The following KSR1 variants were observed in gnomAD, a reference collection of about 807,000 sequenced individuals.
KSR1 encodes kinase suppressor of ras 1, also known as kinase suppressor of ras.
A neutral mutation model predicts 92.9 loss-of-function variants in KSR1; 35 were observed. The ratio of observed to expected loss-of-function variants is 0.38; its 90% CI spans 0.29 to 0.50. The LOEUF (loss-of-function observed/expected upper bound fraction) is 0.50, where lower values mean the gene tolerates loss of function less well. KSR1 is among the 20% of genes least tolerant of loss of function. The pLI is 0.94. For synonymous variants in KSR1, 467 were observed against 472.6 expected (o/e 0.99, Z 0.15); for missense variants, 972 against 1,158.5 (o/e 0.84, Z 2.34).
intron 1 of KSR1, among the ~76,000 whole-genome samples, chr17:27,530,750 G>C (rs1210969899): frequency 6.6e-6 from 1 of 152,204 alleles, no homozygotes; most frequent in Non-Finnish European, 1.5e-5. Flanking sequence ...TTCCCACTCA[G>C]ATCAGCCCAT....
intron 1 of KSR1, among the ~76,000 whole-genome samples, chr17:27,529,690 A>G (rs1197519274): frequency 1.3e-5 from 2 of 152,172 alleles, no homozygotes; most frequent in African/African-American, 2.4e-5. Context: ...ATAAACATGT[A>G]TATTTCCTTG....
chr17:27,491,423 C>G (rs2068828383), intron 1 of KSR1, among the ~76,000 whole-genome samples: 1 of 151,746 alleles, frequency 6.6e-6, no homozygotes, highest in South Asian at 2.1e-4. Flanking sequence ...CTCCTGACCT[C>G]AAGTGATCCT....
intron 5 of KSR1, chr17:27,585,946 C>CGG: frequency 6.2e-6 from 3 of 481,174 alleles, no homozygotes; most frequent in Non-Finnish European, 1.1e-5. Flanking sequence ...TCCACCTTGC[C>CGG]CTTCCCCACC....
At chr17:27,619,063 A>C (rs954539212) in intron 19 of KSR1, among the ~76,000 whole-genome samples, 8 of 152,088 alleles carry the variant, frequency 5.3e-5, no homozygotes, top group African/African-American at 1.7e-4. Context: ...CGCTCTATAA[A>C]ACCCATAAAG....
intron 1 of KSR1, among the ~76,000 whole-genome samples, chr17:27,519,188 G>A (rs979965796): frequency 9.2e-5 from 14 of 152,276 alleles, no homozygotes; most frequent in African/African-American, 3.1e-4. Context: ...GGTGGTCAGC[G>A]CCTGGAAGCC....
At chr17:27,490,004 G>T (rs548997145) in intron 1 of KSR1, among the ~76,000 whole-genome samples, 1 of 152,248 alleles carries the variant, frequency 6.6e-6, no homozygotes, top group African/African-American at 2.4e-5. Flanking sequence ...TTGTGTGTGT[G>T]CATGTGTGTA....
Position 27,617,380 on chromosome 17 carries a change from A to G in KSR1, c.2579A>G (p.Lys860Arg), listed in dbSNP as rs201573263. The G allele has an allele frequency of 5.9e-4, 957 of 1,612,786 alleles. 1 individual carries two copies. The highest frequency in any genetic ancestry group is 5.5e-4 in the Non-Finnish European group (644 of 1,179,262). Residue 860 changes from lysine (K) to arginine (R), a missense_variant, in exon 19 of 21, where the codon AAG (lysine) becomes AGG (arginine). This residue lies in a region of KSR1 where 46 missense variants were observed against 39.0 expected (regional missense o/e 1.18). Transcript: ENST00000644974. ...LLMDMLEKLP[K>R]LNRRLSHPGH... ...ATGGACATGCTGGAGAAACTTCCCAAGCTGAACCGGCGGCTCTCCCACCCT... is the reference window on the plus strand; with the variant it reads ...ATGGACATGCTGGAGAAACTTCCCAGGCTGAACCGGCGGCTCTCCCACCCT...
At chr17:27,536,452 G>A (rs185134126) in intron 1 of KSR1, among the ~76,000 whole-genome samples, 180 of 152,256 alleles carry the variant, frequency 1.2e-3, no homozygotes, top group Non-Finnish European at 4.1e-4. Flanking sequence ...TGTTCTCATC[G>A]TTTGCTGAAT....
At chr17:27,470,326 C>T (rs1013220621) in intron 1 of KSR1, among the ~76,000 whole-genome samples, 2 of 149,658 alleles carry the variant, frequency 1.3e-5, no homozygotes, top group African/African-American at 2.5e-5. Context: ...ACTGCAACCT[C>T]TGCTTCCCGG....
intron 1 of KSR1, among the ~76,000 whole-genome samples, chr17:27,517,326 A>C (rs915482854): frequency 6.6e-6 from 1 of 151,762 alleles, no homozygotes; most frequent in Non-Finnish European, 1.5e-5. Context: ...TTTTCTTTTT[A>C]TTTTATTTTT....
At chr17:27,561,506 A>G (rs753611434) in intron 2 of KSR1, among the ~76,000 whole-genome samples, 8 of 152,126 alleles carry the variant, frequency 5.3e-5, no homozygotes, top group Non-Finnish European at 8.8e-5. Flanking sequence ...GCAAATAACT[A>G]GGGTGCGTAG....
At chr17:27,502,942 G>A (rs1211462019) in intron 1 of KSR1, among the ~76,000 whole-genome samples, 4 of 152,216 alleles carry the variant, frequency 2.6e-5, no homozygotes, top group Non-Finnish European at 4.4e-5. Context: ...AACACAGTGA[G>A]CCCCAGTTAC....
intron 4 of KSR1, among the ~76,000 whole-genome samples, chr17:27,584,575 A>G (rs924726188): frequency 6.6e-6 from 1 of 152,216 alleles, no homozygotes; most frequent in African/African-American, 2.4e-5. Flanking sequence ...TCTCCCAAGA[A>G]GAGCATTAGG....
chr17:27,555,535 TGTAGCACTTCC>T (rs148713524), intron 2 of KSR1, among the ~76,000 whole-genome samples: 3,009 of 144,328 alleles, frequency 0.021, 104 homozygotes, highest in African/African-American at 0.072. Context: ...TGTGTGTGTG[TGTAGCACTTCC>T]GTGTGTAGCA....
rs558560663 is a variant in KSR1 at position 27,583,847 on chromosome 17, G to A, written c.980+742G>A. ...GTGAGACAGTCACATGGTCCAAAGC[G>A]CAGCAGCTCTGTGGCTTCTCAGGGT... On this transcript the variant is annotated intron_variant, in intron 4 of 20. Transcript: ENST00000644974. 17 of 218,114 alleles carry A rather than the reference G, an allele frequency of 7.8e-5. No individual in the cohort carries two copies. In the South Asian group the frequency reaches 2.0e-3, roughly 25 times the overall value. 13.5% of individuals were successfully genotyped at this position (218,114 alleles called of 1,614,324 possible).
chr17:27,523,952 C>T (rs1363685011), intron 1 of KSR1, among the ~76,000 whole-genome samples: 1 of 152,148 alleles, frequency 6.6e-6, no homozygotes, highest in East Asian at 1.9e-4. Flanking sequence ...GCTAAAACCT[C>T]AGCATTCTGT....
chr17:27,533,443 G>A (rs1567800311), intron 1 of KSR1, among the ~76,000 whole-genome samples: 1 of 151,676 alleles, frequency 6.6e-6, no homozygotes, highest in Admixed American at 6.6e-5. Context: ...GAGTGCAGTG[G>A]CATAATCTTG....
At chr17:27,567,075 C>G (rs1232951954) in intron 2 of KSR1, among the ~76,000 whole-genome samples, 1 of 152,162 alleles carries the variant, frequency 6.6e-6, no homozygotes, top group African/African-American at 2.4e-5. Flanking sequence ...CTATGAAGCT[C>G]AGTTCCTTAG....
intron 1 of KSR1, among the ~76,000 whole-genome samples, chr17:27,488,857 G>A (rs1197134412): frequency 2.0e-5 from 3 of 152,184 alleles, no homozygotes; most frequent in East Asian, 1.9e-4. Context: ...CCAGCTACTC[G>A]GGAGGCTGAG....
Sources: allele counts gnomAD v4.1 joint callset (sites outside exome capture counted in the v4.1 genomes callset), GRCh38; gene constraint gnomAD v4.1.1; regional missense constraint gnomAD v4.1.1; transcripts MANE v1.5; gene names NCBI Gene and HGNC (gene_info 2026-07-23, HGNC 2026-07-21).